Variants in ZNF211 observed in about 807,000 individuals in gnomAD.
ZNF211 encodes zinc finger protein 211, also known as zinc finger protein C2H2-25.
A neutral mutation model predicts 12.1 loss-of-function variants in ZNF211; 18 were observed. The ratio of observed to expected loss-of-function variants is 1.48; its 90% CI spans 1.03 to 2.20. ZNF211 has a LOEUF of 2.20. ZNF211 is among the 30% of genes most tolerant of loss of function. The pLI is 0.00. For synonymous variants in ZNF211, 249 were observed against 246.0 expected (o/e 1.01, Z -0.11); for missense variants, 677 against 703.1 (o/e 0.96, Z 0.42).
intron 3 of ZNF211, among the ~76,000 whole-genome samples, chr19:57,637,510 C>T (rs1982293762): frequency 6.6e-6 from 1 of 152,134 alleles, no homozygotes; most frequent in African/African-American, 2.4e-5. Flanking sequence ...CTGCCTCAGC[C>T]TACCAAGTAG....
intron 3 of ZNF211, among the ~76,000 whole-genome samples, chr19:57,636,092 T>A (rs746027056): frequency 1.7e-4 from 26 of 152,178 alleles, no homozygotes; most frequent in Non-Finnish European, 3.2e-4. Flanking sequence ...ATTAGAAGTA[T>A]TAAATATAAT....
At position 57,641,131 on chromosome 19, in the gene ZNF211, T is replaced by C. The variant is rs1399340663; in HGVS notation, c.684T>C (p.Ser228=). 1 of 1,614,186 alleles carries C rather than the reference T, an allele frequency of 6.2e-7. No homozygotes were observed. Among genetic ancestry groups the C allele is most frequent in the East Asian group, 2.2e-5 (1 of 44,884 alleles). The change falls in exon 4 of 4, where the codon AGT becomes AGC. Residue 228 remains serine, a synonymous_variant. Transcript: ENST00000240731. ...AAACAGGGGAGAAGCCAAATAACAG[T>C]AACAAGTGTGCGGTGGCCTTTTACA... is the stretch of plus-strand genomic sequence containing the variant. ...ATQTGEKPNN[S]NKCAVAFYSG... is the part of the protein sequence containing the mutation.
At chr19:57,637,988 TC>T (rs1347721545) in intron 3 of ZNF211, among the ~76,000 whole-genome samples, 1 of 151,620 alleles carries the variant, frequency 6.6e-6, no homozygotes, top group African/African-American at 2.4e-5. Flanking sequence ...AACCTCCACT[TC>T]CTGGATTCAA....
rs778374400 is a variant in ZNF211, at chr19:57,633,362, C to T, written c.16C>T (p.Pro6Ser). Residue 6 changes from proline (P) to serine (S), a missense_variant, in exon 1 of 4, where the codon CCG becomes TCG. By Grantham distance (74) the Pro-to-Ser change is moderately conservative. Transcript: ENST00000240731. MLGFP[P>S]GRPQLPVQLR... Reference sequence around the variant, plus strand: ...GGGGATAGCGATGCTCGGGTTCCCCCCGGGTCGCCCGCAGCTCCCGGTCCA... The same window carrying T: ...GGGGATAGCGATGCTCGGGTTCCCCTCGGGTCGCCCGCAGCTCCCGGTCCA... The T allele has an allele frequency of 1.3e-6, 2 of 1,597,332 alleles. No individual in the cohort carries two copies. The highest frequency in any genetic ancestry group is 8.5e-7 in the Non-Finnish European group (1 of 1,175,204).
chr19:57,634,846 T>C (rs1262302846), intron 3 of ZNF211, 91 bp downstream of exon 3: 3 of 1,362,516 alleles, frequency 2.2e-6, no homozygotes, highest in Admixed American at 2.8e-5. Flanking sequence ...ATCTGGACTA[T>C]AGGCACTGCC....
rs776019993 is a variant in ZNF211 at position 57,639,882 on chromosome 19, A to G, written c.257-822A>G. On this transcript the variant is annotated intron_variant, in intron 3 of 3. Transcript: ENST00000240731. ...TGCCGTGTTGTTCTGGGCCAGTGTT[A>G]GTTGCTCACATGTCCTGTCTTTCCC... The G allele has an allele frequency of 8.6e-6, 13 of 1,517,538 alleles. No individual in the cohort carries two copies. The Admixed American group carries it at 1.7e-4, about 19-fold the overall frequency. 94.0% of individuals were successfully genotyped at this position (1,517,538 alleles called of 1,614,324 possible).
chr19:57,641,058 G>A lies in ZNF211; in HGVS notation c.611G>A (p.Arg204Lys). ...SEKPFTCREIRKDFLANMRFL... is the reference protein window; with the variant it reads ...SEKPFTCREIKKDFLANMRFL... Reference sequence around the variant, plus strand: ...AAACCCTTTACCTGCAGGGAGATCAGGAAAGACTTCCTGGCCAACATGAGG... The same window carrying A: ...AAACCCTTTACCTGCAGGGAGATCAAGAAAGACTTCCTGGCCAACATGAGG... Residue 204 changes from arginine to lysine, a missense_variant, in exon 4 of 4, where the codon AGG becomes AAG. Physicochemically the swap from Arg to Lys is conservative, Grantham distance 26. Coordinates refer to ENST00000240731, the MANE Select transcript of ZNF211 (RefSeq NM_006385.5). 1.2e-6 allele frequency: 2 copies of A among 1,614,190 alleles called. No individual in the cohort carries two copies. Among genetic ancestry groups the A allele is most frequent in the Non-Finnish European group, 1.7e-6 (2 of 1,180,022 alleles).
Position 57,642,529 on chromosome 19 carries a change from G to A in ZNF211, c.*348G>A. ...CTCCCCATTTGCTAGAAGAAATCAT[G>A]AATAGTCTGAGTCTTCCTCTCTGAC... On this transcript the variant is annotated 3_prime_UTR_variant, in exon 4 of 4. Coordinates refer to ENST00000240731, the MANE Select transcript of ZNF211 (RefSeq NM_006385.5). 1 of 203,800 alleles carries A rather than the reference G, an allele frequency of 4.9e-6. No individual in the cohort carries two copies. The highest frequency in any genetic ancestry group is 1.0e-5 in the Non-Finnish European group (1 of 99,462). The allele number at this position is 203,800 out of a possible 1,614,324, so 12.6% of individuals were successfully genotyped here. A position where few individuals can be genotyped will look rare whatever the true frequency, so the allele number is the denominator to read the frequency against.
At chr19:57,640,257 C>T (rs1982718419) in intron 3 of ZNF211, among the ~76,000 whole-genome samples, 1 of 152,220 alleles carries the variant, frequency 6.6e-6, no homozygotes, top group Non-Finnish European at 1.5e-5. Context: ...CCTTATCCTA[C>T]CTGTTCTTTT....
At position 57,633,385 on chromosome 19, in the gene ZNF211, C is replaced by T. The variant is rs747893937; in HGVS notation, c.39C>T (p.Val13=). The change falls in exon 1 of 4, where the codon GTC becomes GTT. Residue 13 remains valine (V), a synonymous_variant. Transcript: ENST00000240731. ...GFPPGRPQLP[V]QLRPQTRMAT... Reference sequence around the variant, plus strand: ...CCCCGGGTCGCCCGCAGCTCCCGGTCCAGCTCCGCCCACAGACTCGGATGG... The same window carrying T: ...CCCCGGGTCGCCCGCAGCTCCCGGTTCAGCTCCGCCCACAGACTCGGATGG... The T allele has an allele frequency of 6.2e-7, 1 of 1,604,164 alleles. No individual in the cohort carries two copies. Among genetic ancestry groups the T allele is most frequent in the African/African-American group, 1.3e-5 (1 of 75,016 alleles).
Position 57,642,321 on chromosome 19 carries a change from G to A in ZNF211, c.*140G>A. ...GATTCCCCTTAAGTTCCAGGTATGT[G>A]TTACACTTTCTAACATGCCATTTAG... On this transcript the variant is annotated 3_prime_UTR_variant, in exon 4 of 4. Transcript: ENST00000240731. The A allele has an allele frequency of 5.3e-6, 5 of 945,024 alleles. No individual in the cohort carries two copies. The highest frequency in any genetic ancestry group is 7.8e-6 in the Non-Finnish European group (5 of 643,356). 58.5% of individuals were successfully genotyped at this position (945,024 alleles called of 1,614,324 possible). A position where few individuals can be genotyped will look rare whatever the true frequency, so the allele number is the denominator to read the frequency against.
At chr19:57,633,887 T>C in intron 1 of ZNF211, 136 bp from the exon 2 acceptor site, 2 of 1,607,666 alleles carry the variant, frequency 1.2e-6, no homozygotes, top group Non-Finnish European at 1.7e-6. Context: ...GAGGCAGCAC[T>C]AAGGACCGAG....
In ZNF211 at chr19:57,643,878, C is replaced by G. The variant is rs770863195; in HGVS notation, c.*1697C>G. Among the ~76,000 whole-genome samples the G allele has an allele frequency of 7.9e-5, 12 of 151,992 alleles. No homozygotes were observed. The highest frequency in any genetic ancestry group is 1.8e-4 in the Non-Finnish European group (12 of 67,986). ...TTTTTTTCCAGTTTCATTCATGATG[C>G]ATAATTATTTTGAGATTCTTCAATG... On this transcript the variant is annotated 3_prime_UTR_variant, in exon 4 of 4. Coordinates refer to ENST00000240731, the MANE Select transcript of ZNF211 (RefSeq NM_006385.5).
chr19:57,640,121 A>T, intron 3 of ZNF211: 1 of 1,502,092 alleles, frequency 6.7e-7, no homozygotes, highest in African/African-American at 1.4e-5. Context: ...TCTTGATGCC[A>T]TTGCCAGAGA....
At position 57,640,872 on chromosome 19, in the gene ZNF211, A is replaced by G. The variant is rs766011851; in HGVS notation, c.425A>G (p.Gln142Arg). 4 of 1,614,248 alleles carry G rather than the reference A, an allele frequency of 2.5e-6. No homozygotes were observed. Among genetic ancestry groups the G allele is most frequent in the African/African-American group, 1.3e-5 (1 of 75,062 alleles). The change falls in exon 4 of 4, where the codon CAA (glutamine) becomes CGA (arginine). Residue 142 changes from glutamine (Q) to arginine (R), a missense_variant. Transcript: ENST00000240731. ...LRDILHLAEH[Q>R]GTNCGQKLHT... ...GATATTTTGCACTTGGCTGAACACC[A>G]AGGAACAAACTGCGGGCAGAAACTA...
In ZNF211 at chr19:57,643,502, G is replaced by A. The variant is rs151219577; in HGVS notation, c.*1321G>A. On this transcript the variant is annotated 3_prime_UTR_variant, in exon 4 of 4. Transcript: ENST00000240731. The stretch of plus-strand genomic sequence containing the variant: ...GAAAACAAGCATAGAAAGAAGGGGC[G>A]GGGGATGTCCTTCCAGGAATGTGAC... Among the ~76,000 whole-genome samples the A allele has an allele frequency of 1.4e-3, 214 of 152,252 alleles. 2 individuals are homozygous for A. Among genetic ancestry groups the A allele is most frequent in the African/African-American group, 2.2e-3 (90 of 41,538 alleles).
chr19:57,633,476 C>G (rs770511818), intron 1 of ZNF211, 40 bp downstream of exon 1: 9 of 1,557,804 alleles, frequency 5.8e-6, no homozygotes, highest in Non-Finnish European at 7.8e-6. Context: ...GGCCGAGATT[C>G]TTAAGTCCCA....
rs1481638744 is a variant in ZNF211, at chr19:57,643,926, C to T, written c.*1745C>T. ...ATGGAGCTTATATGTGGTGGTCATT[C>T]TTTTTATTGCTGAGTGGTATATTTT... On this transcript the variant is annotated 3_prime_UTR_variant, in exon 4 of 4. Coordinates refer to ENST00000240731, the MANE Select transcript of ZNF211 (RefSeq NM_006385.5). Among the ~76,000 whole-genome samples, 1 of 151,946 alleles carries T rather than the reference C, an allele frequency of 6.6e-6. No individual in the cohort carries two copies. Among genetic ancestry groups the T allele is most frequent in the East Asian group, 1.9e-4 (1 of 5,180 alleles).
intron 2 of ZNF211, 88 bp downstream of exon 2, chr19:57,634,149 T>C (rs1170093817): frequency 1.4e-6 from 2 of 1,400,572 alleles, no homozygotes; most frequent in Non-Finnish European, 1.9e-6. Flanking sequence ...TGTGGTGTCA[T>C]GGGACTCACC....
Sources: allele counts gnomAD v4.1 joint callset (sites outside exome capture counted in the v4.1 genomes callset), GRCh38; gene constraint gnomAD v4.1.1; transcripts MANE v1.5; gene names NCBI Gene and HGNC (gene_info 2026-07-23, HGNC 2026-07-21).